The following FAM120A variants were observed in gnomAD, a reference collection of about 807,000 sequenced individuals.
FAM120A encodes constitutive coactivator of PPAR-gamma-like protein 1.
Under a neutral mutation model 109.7 loss-of-function variants are expected in FAM120A, and 15 were observed. The ratio of observed to expected loss-of-function variants is 0.14; its 90% CI spans 0.09 to 0.21. The LOEUF (loss-of-function observed/expected upper bound fraction) is 0.21, where lower values mean the gene tolerates loss of function less well. Among genes scored for constraint, FAM120A ranks in the 10% least tolerant of loss-of-function variants. FAM120A has a pLI of 1.00. For synonymous variants in FAM120A, 493 were observed against 572.8 expected, an observed-to-expected ratio of 0.86 and a Z score of 1.99; for missense variants, 899 against 1,439.3, an observed-to-expected ratio of 0.62 and a Z score of 6.07.
chr9:93,563,280 A>G (rs1862535924), intron 17 of FAM120A, among the ~76,000 whole-genome samples: 1 of 152,226 alleles, frequency 6.6e-6, no homozygotes, highest in Non-Finnish European at 1.5e-5. Flanking sequence ...GACGAGCTGG[A>G]AGGTTCCTGT....
intron 10 of FAM120A, among the ~76,000 whole-genome samples, chr9:93,542,311 T>C (rs1467431272): frequency 6.6e-6 from 1 of 152,210 alleles, no homozygotes; most frequent in Non-Finnish European, 1.5e-5. Context: ...ACTTATAAAA[T>C]GCATACCCAG....
intron 5 of FAM120A, among the ~76,000 whole-genome samples, chr9:93,514,809 G>A (rs1026341324): frequency 4.6e-5 from 7 of 152,168 alleles, no homozygotes; most frequent in African/African-American, 1.4e-4. Flanking sequence ...GTTGGCTGAC[G>A]TGGCCCCTGA....
chr9:93,525,647 T>C (rs1005292270), intron 7 of FAM120A, among the ~76,000 whole-genome samples: 1 of 152,198 alleles, frequency 6.6e-6, no homozygotes, highest in African/African-American at 2.4e-5. Context: ...TATCAGCACA[T>C]GCTCATCCAC....
At chr9:93,469,546 G>T (rs540889408) in intron 1 of FAM120A, among the ~76,000 whole-genome samples, 1 of 152,268 alleles carries the variant, frequency 6.6e-6, no homozygotes, top group East Asian at 1.9e-4. Context: ...ATAATAAAAA[G>T]ATTTGAGGTA....
chr9:93,493,646 C>T (rs902936830), intron 3 of FAM120A, among the ~76,000 whole-genome samples: 4 of 152,168 alleles, frequency 2.6e-5, no homozygotes, highest in Non-Finnish European at 4.4e-5. Flanking sequence ...TCTGAGCGTC[C>T]GGGACCCAAC....
chr9:93,524,626 ACTGT>A (rs1209149034), intron 7 of FAM120A, among the ~76,000 whole-genome samples: 1 of 151,246 alleles, frequency 6.6e-6, no homozygotes, highest in African/African-American at 2.4e-5. Context: ...TATGTGTGAA[ACTGT>A]CTGTAGCGTC....
intron 10 of FAM120A, among the ~76,000 whole-genome samples, chr9:93,534,789 G>T (rs1314552886): frequency 6.6e-6 from 1 of 152,110 alleles, no homozygotes; most frequent in Non-Finnish European, 1.5e-5. Context: ...GACTTAGGTG[G>T]GAAGGAGAAG....
intron 10 of FAM120A, among the ~76,000 whole-genome samples, chr9:93,540,794 C>T (rs1244920855): frequency 6.6e-6 from 1 of 151,928 alleles, no homozygotes; most frequent in Non-Finnish European, 1.5e-5. Flanking sequence ...CCTTGCAGGA[C>T]GAACTCTGCA....
At chr9:93,545,367 G>C (rs1396126495) in intron 11 of FAM120A, among the ~76,000 whole-genome samples, 2 of 152,246 alleles carry the variant, frequency 1.3e-5, no homozygotes, top group Non-Finnish European at 2.9e-5. Context: ...ACAGTCCAGT[G>C]TCCCTCCCTG....
In FAM120A at chr9:93,474,202, T is replaced by G. The variant is rs181569707; in HGVS notation, c.722-2054T>G. ...TGTTGTTGTTGTTGTTGTTGTTGTTTTTTGAGATGGAGTCTCTCTCTGTTG... is the reference window on the plus strand; with the variant it reads ...TGTTGTTGTTGTTGTTGTTGTTGTTGTTTGAGATGGAGTCTCTCTCTGTTG... On this transcript the variant is annotated intron_variant, in intron 2 of 17. Coordinates refer to ENST00000277165, the MANE Select transcript of FAM120A (RefSeq NM_014612.5). 1.4e-4 allele frequency among the ~76,000 whole-genome samples: 21 copies of G among 152,246 alleles called. No homozygotes were observed. In the East Asian group the frequency reaches 1.5e-3, roughly 11 times the overall value.
chr9:93,562,757 C>T (rs1017291076), intron 17 of FAM120A, among the ~76,000 whole-genome samples: 1 of 151,436 alleles, frequency 6.6e-6, no homozygotes, highest in Admixed American at 6.6e-5. Context: ...CTCCACTTCC[C>T]GGGTTCAAGC....
intron 3 of FAM120A, among the ~76,000 whole-genome samples, chr9:93,479,357 C>T (rs368439338): frequency 1.3e-5 from 2 of 152,066 alleles, no homozygotes; most frequent in African/African-American, 4.8e-5. Flanking sequence ...CTCGGCCTCC[C>T]AAAGTAGGGT....
chr9:93,526,552 A>C (rs1309635224), intron 7 of FAM120A, among the ~76,000 whole-genome samples: 1 of 151,856 alleles, frequency 6.6e-6, no homozygotes, highest in South Asian at 2.1e-4. Flanking sequence ...CCATCCTCCA[A>C]ATAAGTTCCC....
At chr9:93,557,793 A>G (rs1175263706) in intron 13 of FAM120A, 34 bp from the exon 14 acceptor site, 1 of 1,595,634 alleles carries the variant, frequency 6.3e-7, no homozygotes, top group Non-Finnish European at 8.6e-7. Context: ...CCCCCTGTGG[A>G]TGGCATTTTC....
chr9:93,549,701 C>T (rs910677210), intron 11 of FAM120A, among the ~76,000 whole-genome samples: 7 of 152,188 alleles, frequency 4.6e-5, no homozygotes, highest in Non-Finnish European at 1.0e-4. Flanking sequence ...CCAGAGATCA[C>T]GTCGTAATCT....
rs1364479268 is a variant in FAM120A, at chr9:93,557,969, G to A, written c.2627G>A (p.Gly876Glu). 6.2e-7 allele frequency: 1 copy of A among 1,603,360 alleles called. No homozygotes were observed. Among genetic ancestry groups the A allele is most frequent in the Non-Finnish European group, 8.5e-7 (1 of 1,179,602 alleles). Residue 876 changes from glycine (G) to glutamate (E), a missense_variant, in exon 14 of 18, where the codon GGG becomes GAG. Gly to Glu is a moderately conservative substitution (Grantham distance 98). Transcript: ENST00000277165. ...YPASAYPRHF[G>E]PVPPSQGRGR... ...GCCTCTGCGTACCCCCGGCACTTTG[G>A]GCCTGTCCCACCCTCTCAGGGCAGG...
At chr9:93,548,192 G>A (rs909662982) in intron 11 of FAM120A, among the ~76,000 whole-genome samples, 3 of 152,070 alleles carry the variant, frequency 2.0e-5, no homozygotes, top group South Asian at 4.1e-4. Flanking sequence ...TTCAAGCTCC[G>A]TCCTGGGTTC....
intron 1 of FAM120A, among the ~76,000 whole-genome samples, chr9:93,455,926 G>T (rs1227711699): frequency 6.6e-6 from 1 of 152,212 alleles, no homozygotes; most frequent in African/African-American, 2.4e-5. Context: ...CTCCCAAAGT[G>T]CTGGGATTAC....
At chr9:93,512,553 A>AAGC (rs1860376152) in intron 5 of FAM120A, among the ~76,000 whole-genome samples, 1 of 151,492 alleles carries the variant, frequency 6.6e-6, no homozygotes, top group South Asian at 2.1e-4. Context: ...TTTTTACCGA[A>AAGC]AGCCCACCTC....
Sources: allele counts gnomAD v4.1 joint callset (sites outside exome capture counted in the v4.1 genomes callset), GRCh38; gene constraint gnomAD v4.1.1; transcripts MANE v1.5; gene names NCBI Gene and HGNC (gene_info 2026-07-23, HGNC 2026-07-21).